The following HTR1E variants were observed in gnomAD, a reference collection of about 807,000 sequenced individuals.
HTR1E encodes the protein 5-hydroxytryptamine receptor 1E.
A neutral mutation model predicts 3.4 loss-of-function variants in HTR1E; 3 were observed. The observed-to-expected ratio is 0.89, with a 90% CI of 0.41 to 2.31. The LOEUF (loss-of-function observed/expected upper bound fraction) is 2.31, where lower values mean the gene tolerates loss of function less well. HTR1E is among the 30% of genes most tolerant of loss of function. HTR1E has a pLI of 0.05. For missense variants in HTR1E, 392 were observed against 467.0 expected (o/e 0.84, Z 1.48); for synonymous variants, 170 against 182.8 (o/e 0.93, Z 0.56).
At chr6:86,995,196 A>C (rs1767918609) in intron 1 of HTR1E, among the ~76,000 whole-genome samples, 1 of 151,900 alleles carries the variant, frequency 6.6e-6, no homozygotes, top group African/African-American at 2.4e-5. Context: ...CACACCTATA[A>C]TCCCAGCACT....
Position 86,969,728 on chromosome 6 carries a change from T to C in HTR1E, c.-186+31905T>C, listed in dbSNP as rs1767522354. On this transcript the variant is annotated intron_variant, in intron 1 of 1. Transcript: ENST00000305344. Reference sequence around the variant, plus strand: ...CCCACGTGCTTCTGATGGCACTGACTTGACCCCATCCCTGAGGTCCCACAC... The same window carrying C: ...CCCACGTGCTTCTGATGGCACTGACCTGACCCCATCCCTGAGGTCCCACAC... Among the ~76,000 whole-genome samples the C allele has an allele frequency of 3.3e-5, 5 of 152,326 alleles. No homozygotes were observed. In the South Asian group the frequency reaches 1.0e-3, roughly 32 times the overall value.
At chr6:86,949,120 T>G (rs1767177068) in intron 1 of HTR1E, among the ~76,000 whole-genome samples, 1 of 152,196 alleles carries the variant, frequency 6.6e-6, no homozygotes, top group Non-Finnish European at 1.5e-5. Flanking sequence ...CCCTCTCAAT[T>G]GATGAAAATG....
At chr6:86,969,403 C>A (rs1000268459) in intron 1 of HTR1E, among the ~76,000 whole-genome samples, 2 of 152,158 alleles carry the variant, frequency 1.3e-5, no homozygotes, top group Non-Finnish European at 2.9e-5. Flanking sequence ...AAAGTTCAAG[C>A]TGCATCACAT....
rs554495085 is a variant in HTR1E, at chr6:87,013,629, G to T, written c.-185-1521G>T. 2.0e-5 allele frequency among the ~76,000 whole-genome samples: 3 copies of T among 151,866 alleles called. No homozygotes were observed. The East Asian group carries it at 5.8e-4, about 29-fold the overall frequency. ...ATTTTTTCTTTAACGGCCCCAGAAT[G>T]TTTAATGTTACATAATATGAATATA... On this transcript the variant is annotated intron_variant, in intron 1 of 1. Transcript: ENST00000305344.
chr6:86,957,914 G>A (rs1023340991), intron 1 of HTR1E, among the ~76,000 whole-genome samples: 5 of 152,164 alleles, frequency 3.3e-5, no homozygotes, highest in Non-Finnish European at 5.9e-5. Flanking sequence ...TGAGCAGAGA[G>A]GGGGCCTGTC....
intron 1 of HTR1E, among the ~76,000 whole-genome samples, chr6:86,990,603 G>T (rs950890414): frequency 6.6e-5 from 10 of 152,038 alleles, no homozygotes; most frequent in African/African-American, 2.2e-4. Context: ...AAAATAAATA[G>T]CCATGAGTTC....
chr6:86,942,415 T>C (rs1768558390), intron 1 of HTR1E, among the ~76,000 whole-genome samples: 1 of 152,220 alleles, frequency 6.6e-6, no homozygotes, highest in Non-Finnish European at 1.5e-5. Context: ...GTCAAGGAAG[T>C]ATTTGTTACC....
At chr6:86,981,998 C>A (rs540038685) in intron 1 of HTR1E, among the ~76,000 whole-genome samples, 3 of 114,276 alleles carry the variant, frequency 2.6e-5, no homozygotes, top group Non-Finnish European at 5.3e-5. Context: ...GTATCTGAAC[C>A]CTTAGCCCTC....
intron 1 of HTR1E, among the ~76,000 whole-genome samples, chr6:86,992,033 CCT>C (rs1767875226): frequency 1.3e-5 from 2 of 152,134 alleles, no homozygotes; most frequent in Admixed American, 1.3e-4. Flanking sequence ...CTCAGGCCAT[CCT>C]CTACTTTCAA....
chr6:86,952,287 T>TC (rs1767256017), intron 1 of HTR1E, among the ~76,000 whole-genome samples: 1 of 152,120 alleles, frequency 6.6e-6, no homozygotes, highest in South Asian at 2.1e-4. Flanking sequence ...CATCTCTCAC[T>TC]CACAGTTCAA....
At chr6:86,979,094 A>C (rs1401869733) in intron 1 of HTR1E, among the ~76,000 whole-genome samples, 1 of 152,238 alleles carries the variant, frequency 6.6e-6, no homozygotes, top group Non-Finnish European at 1.5e-5. Flanking sequence ...TTGCTATGTC[A>C]GTCTCTTTTT....
intron 1 of HTR1E, among the ~76,000 whole-genome samples, chr6:86,985,674 G>T (rs951659519): frequency 6.6e-6 from 1 of 152,146 alleles, no homozygotes; most frequent in Non-Finnish European, 1.5e-5. Flanking sequence ...ACTGGGTGAT[G>T]GGTCCTCTTA....
At chr6:86,959,638 C>T (rs930628022) in intron 1 of HTR1E, among the ~76,000 whole-genome samples, 1 of 152,128 alleles carries the variant, frequency 6.6e-6, no homozygotes, top group Non-Finnish European at 1.5e-5. Context: ...GATGACGGAA[C>T]CTCAGCTGGA....
intron 1 of HTR1E, among the ~76,000 whole-genome samples, chr6:86,998,399 C>CA (rs1767974248): frequency 6.6e-6 from 1 of 151,870 alleles, no homozygotes; most frequent in Admixed American, 6.6e-5. Context: ...AGCCTGAGTA[C>CA]AATAGAACTA....
chr6:86,976,102 A>G (rs1054472368), intron 1 of HTR1E, among the ~76,000 whole-genome samples: 3 of 152,182 alleles, frequency 2.0e-5, no homozygotes, highest in African/African-American at 7.2e-5. Context: ...ATTCTTCCAC[A>G]AGACTGATGA....
chr6:87,001,270 CCAAAA>C (rs1768019996), intron 1 of HTR1E, among the ~76,000 whole-genome samples: 1 of 151,918 alleles, frequency 6.6e-6, no homozygotes. Flanking sequence ...AGAAAGCAAC[CCAAAA>C]CAAATCAAAA....
In HTR1E at chr6:86,973,312, GTGTGTGTGTGTGTGTGTGTC is replaced by G. The variant is rs1183913060; in HGVS notation, c.-186+35501_-186+35520del. ...AAAGGCAGTGGCTGTGTGTGTGTGT[GTGTGTGTGTGTGTGTGTGTC>G]TGTGTGTGTGTCTGTGTGTGTAGCT... On this transcript the variant is annotated intron_variant, in intron 1 of 1. Coordinates refer to ENST00000305344, the MANE Select transcript of HTR1E (RefSeq NM_000865.3). 5.3e-5 allele frequency among the ~76,000 whole-genome samples: 8 copies of G among 150,266 alleles called. No individual in the cohort carries two copies. The South Asian group carries it at 8.3e-4, about 16-fold the overall frequency.
Position 87,015,395 on chromosome 6 carries a change from G to A in HTR1E, c.61G>A (p.Glu21Lys), listed in dbSNP as rs758044718. The change falls in exon 2 of 2, where the codon GAG (glutamate) becomes AAG (lysine). Residue 21 changes from glutamate to lysine, a missense_variant. Glu to Lys is a moderately conservative substitution (Grantham distance 56, BLOSUM62 1). Coordinates refer to ENST00000305344, the MANE Select transcript of HTR1E (RefSeq NM_000865.3). ...SMAIRPKTIT[E>K]KMLICMTLVV... is the part of the protein sequence containing the mutation. ...GGCTATAAGACCCAAGACCATCACT[G>A]AGAAGATGCTCATTTGCATGACTCT... The A allele has an allele frequency of 3.1e-6, 5 of 1,609,920 alleles. No individual in the cohort carries two copies. The highest frequency in any genetic ancestry group is 1.7e-4 in the Middle Eastern group (1 of 6,034).
intron 1 of HTR1E, among the ~76,000 whole-genome samples, chr6:86,996,604 G>C (rs984994043): frequency 1.3e-5 from 2 of 151,556 alleles, no homozygotes; most frequent in Non-Finnish European, 2.9e-5. Flanking sequence ...ATATGAAAGA[G>C]ATAAGAGAAT....
Sources: allele counts gnomAD v4.1 joint callset (sites outside exome capture counted in the v4.1 genomes callset), GRCh38; gene constraint gnomAD v4.1.1; transcripts MANE v1.5; gene names NCBI Gene and HGNC (gene_info 2026-07-23, HGNC 2026-07-21).